The following DNAJA2 variants were observed in gnomAD, a reference collection of about 807,000 sequenced individuals.
DNAJA2 encodes the protein DnaJ heat shock protein family (Hsp40) member A2, also known as dnaJ homolog subfamily A member 2.
In DNAJA2, 6 loss-of-function variants were observed where a neutral mutation model predicts 49.3. The observed-to-expected ratio is 0.12, with a 90% CI of 0.07 to 0.24. DNAJA2 has a LOEUF of 0.24. Ranked by LOEUF, DNAJA2 falls within the 10% of genes least tolerant of loss-of-function variation. The probability of loss-of-function intolerance (pLI) is 1.00; values close to 1 mark genes in which losing one functional copy is unlikely to be tolerated. For missense variants in DNAJA2, 347 were observed against 516.8 expected (o/e 0.67, Z 3.19); for synonymous variants, 160 against 172.7 (o/e 0.93, Z 0.58).
intron 5 of DNAJA2, among the ~76,000 whole-genome samples, chr16:46,966,110 G>C (rs1961966241): frequency 6.6e-6 from 1 of 152,154 alleles, no homozygotes; most frequent in Admixed American, 6.5e-5. Context: ...TATGGTCTCA[G>C]CTAATTGTGG....
rs1264223386 is a variant in DNAJA2, at chr16:46,959,306, C to T, written c.888G>A (p.Val296=). 6.2e-7 allele frequency: 1 copy of T among 1,613,900 alleles called. No homozygotes were observed. Among genetic ancestry groups the T allele is most frequent in the Non-Finnish European group, 8.5e-7 (1 of 1,179,950 alleles). Residue 296 remains valine, a synonymous_variant, in exon 7 of 9, where the codon GTG becomes GTA. Coordinates refer to ENST00000317089, the MANE Select transcript of DNAJA2 (RefSeq NM_005880.4). The part of the protein sequence containing the change: ...FKHLDGRQIV[V]KYPPGKVIEP... ...CAATTACTTTGCCAGGGGGGTATTT[C>T]ACCACAATCTGACGTCCATCAAGGT...
chr16:46,963,530 C>T (rs1186980371), intron 6 of DNAJA2, among the ~76,000 whole-genome samples: 3 of 150,820 alleles, frequency 2.0e-5, no homozygotes, highest in Non-Finnish European at 4.4e-5. Context: ...AAAAAAAAAC[C>T]CCAAAAAACA....
At chr16:46,963,355 G>C (rs1466697775) in intron 6 of DNAJA2, among the ~76,000 whole-genome samples, 1 of 151,972 alleles carries the variant, frequency 6.6e-6, no homozygotes, top group East Asian at 1.9e-4. Context: ...AAATATACAA[G>C]TGCAATGTTA....
intron 7 of DNAJA2, 60 bp downstream of exon 7, chr16:46,959,215 C>A (rs1961860842): frequency 5.1e-6 from 8 of 1,580,124 alleles, no homozygotes; most frequent in Middle Eastern, 1.7e-4. Flanking sequence ...AAAAAAATTA[C>A]AAATTGTAAT....
chr16:46,967,608 G>C lies in DNAJA2; in HGVS notation c.482C>G (p.Ala161Gly). The change falls in exon 5 of 9, where the codon GCT (alanine) becomes GGT (glycine). Residue 161 changes from alanine (A) to glycine (G), a missense_variant. Transcript: ENST00000317089. The part of the protein sequence containing the change: ...GKSGAVQKCS[A>G]CRGRGVRIMI... ...GATGCGCACACCTCGACCTCGACAA[G>C]CACTACACTTTTGGACAGCTCCAGA... 6.2e-7 allele frequency: 1 copy of C among 1,614,140 alleles called. No individual in the cohort carries two copies. Among genetic ancestry groups the C allele is most frequent in the Non-Finnish European group, 8.5e-7 (1 of 1,180,042 alleles).
chr16:46,973,204 G>A lies in DNAJA2; in HGVS notation c.78+291C>T, dbSNP rs566588536. Among the ~76,000 whole-genome samples the A allele has an allele frequency of 5.9e-5, 9 of 152,240 alleles. No individual in the cohort carries two copies. In the East Asian group the frequency reaches 1.5e-3, roughly 26 times the overall value. On this transcript the variant is annotated intron_variant, in intron 1 of 8. Coordinates refer to ENST00000317089, the MANE Select transcript of DNAJA2 (RefSeq NM_005880.4). ...TGCCTCCCGGGGGATACCAGCCCCC[G>A]GCGCTCGTTCAAGGAGGGAGGAAGG...
chr16:46,967,923 T>C (rs955818883), intron 4 of DNAJA2, among the ~76,000 whole-genome samples, 161 bp downstream of exon 4: 1 of 151,996 alleles, frequency 6.6e-6, no homozygotes, highest in African/African-American at 2.4e-5. Context: ...CCTCAGGTGA[T>C]CCACCCGACT....
intron 8 of DNAJA2, 55 bp from the exon 9 acceptor site, chr16:46,957,275 T>C (rs1961828232): frequency 1.4e-6 from 2 of 1,454,736 alleles, no homozygotes; most frequent in African/African-American, 1.4e-5. Context: ...TCAACTTTCC[T>C]TTTGATACAT....
intron 1 of DNAJA2, among the ~76,000 whole-genome samples, 189 bp downstream of exon 1, chr16:46,973,306 G>A (rs1397653099): frequency 4.0e-5 from 6 of 151,084 alleles, no homozygotes; most frequent in Non-Finnish European, 8.9e-5. Flanking sequence ...GCGGCCCCAA[G>A]GTCAGCCGAG....
rs778813700 is a variant in DNAJA2 at position 46,955,582 on chromosome 16, T to C, written c.*1447A>G. ...ACTTGATTAGTGTCAGCACACCTTT[T>C]TTCATTCAGGTTTTCAGGTTCTAGC... is the stretch of plus-strand genomic sequence containing the variant. On this transcript the variant is annotated 3_prime_UTR_variant, in exon 9 of 9. Transcript: ENST00000317089. The C allele has an allele frequency of 6.6e-6, 1 of 152,214 alleles. No homozygotes were observed. The highest frequency in any genetic ancestry group is 2.4e-5 in the African/African-American group (1 of 41,460). The allele number at this position is 152,214 out of a possible 1,614,324, so 9.4% of individuals were successfully genotyped here. A position where few individuals can be genotyped will look rare whatever the true frequency, so the allele number is the denominator to read the frequency against.
At position 46,957,771 on chromosome 16, in the gene DNAJA2, A is replaced by G. The variant is rs140038194; in HGVS notation, c.1048-551T>C. Among the ~76,000 whole-genome samples the G allele has an allele frequency of 4.6e-5, 7 of 152,278 alleles. No homozygotes were observed. In the East Asian group the frequency reaches 7.7e-4, roughly 17 times the overall value. On this transcript the variant is annotated intron_variant, in intron 8 of 8. Transcript: ENST00000317089. ...TTATCTGCCAATACTTAAACATTAG[A>G]AAGTTTCTACAGGAGACACACCTTC...
chr16:46,967,719 T>A, intron 4 of DNAJA2, 73 bp from the exon 5 acceptor site: 1 of 1,591,516 alleles, frequency 6.3e-7, no homozygotes, highest in Non-Finnish European at 8.6e-7. Flanking sequence ...ACACAGAAAT[T>A]GTGCTTTTAC....
At chr16:46,962,417 T>G (rs1446112123) in intron 6 of DNAJA2, among the ~76,000 whole-genome samples, 2 of 152,164 alleles carry the variant, frequency 1.3e-5, no homozygotes, top group African/African-American at 4.8e-5. Context: ...AAGCATTCCT[T>G]CTTCACTTCC....
In DNAJA2 at chr16:46,971,661, TAAAAAA is replaced by T. The variant is rs71134521; in HGVS notation, c.139-95_139-90del. On this transcript the variant is annotated intron_variant, in intron 2 of 8. Coordinates refer to ENST00000317089, the MANE Select transcript of DNAJA2 (RefSeq NM_005880.4). Reference sequence around the variant, plus strand: ...CAGGAATCCAGAATCCATTTAATTCTAAAAAAAAAAAAAAAGGGACAAGTTACCTTT... The same window carrying T: ...CAGGAATCCAGAATCCATTTAATTCTAAAAAAAAAGGGACAAGTTACCTTT... 5.0e-4 allele frequency: 235 copies of T among 467,338 alleles called. 11 individuals are homozygous for T. Among genetic ancestry groups the T allele is most frequent in the Admixed American group, 2.4e-3 (53 of 22,252 alleles). The allele number at this position is 467,338 out of a possible 1,614,324, so 28.9% of individuals were successfully genotyped here.
chr16:46,969,175 G>A (rs982289143), intron 3 of DNAJA2, among the ~76,000 whole-genome samples: 11 of 151,846 alleles, frequency 7.2e-5, no homozygotes, highest in African/African-American at 2.7e-4. Context: ...GGAGTTAGAG[G>A]AACAAAAAAA....
chr16:46,966,036 C>G (rs1961965078), intron 5 of DNAJA2, among the ~76,000 whole-genome samples: 2 of 152,034 alleles, frequency 1.3e-5, no homozygotes, highest in South Asian at 4.2e-4. Context: ...CCAGCCTGGG[C>G]AACGTGGCAA....
In DNAJA2 at chr16:46,967,597, G is replaced by C. The variant is rs1377492187; in HGVS notation, c.493C>G (p.Arg165Gly). 1 of 1,614,056 alleles carries C rather than the reference G, an allele frequency of 6.2e-7. No individual in the cohort carries two copies. Among genetic ancestry groups the C allele is most frequent in the South Asian group, 1.1e-5 (1 of 91,078 alleles). The change falls in exon 5 of 9, where the codon CGA becomes GGA. Residue 165 changes from arginine to glycine, a missense_variant. Transcript: ENST00000317089. ...AVQKCSACRGRGVRIMIRQLA... is the reference protein window; with the variant it reads ...AVQKCSACRGGGVRIMIRQLA... ...TGTCTGATCATGATGCGCACACCTCGACCTCGACAAGCACTACACTTTTGG... is the reference window on the plus strand; with the variant it reads ...TGTCTGATCATGATGCGCACACCTCCACCTCGACAAGCACTACACTTTTGG...
Position 46,971,443 on chromosome 16 carries a change from G to A in DNAJA2, c.268C>T (p.His90Tyr). The A allele has an allele frequency of 1.2e-6, 2 of 1,613,996 alleles. No homozygotes were observed. The highest frequency in any genetic ancestry group is 1.7e-4 in the Middle Eastern group (1 of 6,060). Residue 90 changes from histidine (H) to tyrosine (Y), a missense_variant, in exon 3 of 9, where the codon CAC (histidine) becomes TAC (tyrosine). Coordinates refer to ENST00000317089, the MANE Select transcript of DNAJA2 (RefSeq NM_005880.4). ...CCGAACAATCCCCCACCAAAAATGT[G>A]AGAGAAAATATCATCCATGCCACCA... ...GGGGMDDIFSHIFGGGLFGFM... is the reference protein window; with the variant it reads ...GGGGMDDIFSYIFGGGLFGFM...
At chr16:46,961,012 CATA>C (rs1201832914) in intron 6 of DNAJA2, among the ~76,000 whole-genome samples, 1 of 149,548 alleles carries the variant, frequency 6.7e-6, no homozygotes, top group Non-Finnish European at 1.5e-5. Context: ...GTCTCTTAAA[CATA>C]ATAATAATAA....
Sources: gnomAD v4.1 joint callset for allele counts (sites outside exome capture counted in the v4.1 genomes callset) on GRCh38, gnomAD v4.1.1 for gene constraint, MANE v1.5 for transcripts, NCBI Gene and HGNC (gene_info 2026-07-23, HGNC 2026-07-21) for gene names.